Variants in OSBPL9 observed in about 807,000 individuals in gnomAD.
The protein encoded by OSBPL9 is oxysterol-binding protein-related protein 9.
OSBPL9 carries 40 observed loss-of-function variants against 106.6 expected under a neutral mutation model. The observed-to-expected ratio is 0.38, with a 90% confidence interval of 0.29 to 0.49. The LOEUF is 0.49. OSBPL9 is among the 20% of genes least tolerant of loss of function. The pLI is 0.97. For synonymous variants in OSBPL9, 269 were observed against 295.4 expected, an observed-to-expected ratio of 0.91 and a Z score of 0.92; for missense variants, 609 against 887.2, an observed-to-expected ratio of 0.69 and a Z score of 3.98.
intron 3 of OSBPL9, among the ~76,000 whole-genome samples, chr1:51,697,453 C>CTTTTT (rs759965779): frequency 8.7e-4 from 90 of 102,992 alleles, no homozygotes; most frequent in Non-Finnish European, 1.0e-3. Context: ...ATAGGGGTTA[C>CTTTTT]TTTTTTTTTT....
upstream of OSBPL9, among the ~76,000 whole-genome samples, chr1:51,613,759 C>T (rs1315941436): frequency 6.7e-6 from 1 of 148,406 alleles, no homozygotes; most frequent in South Asian, 2.1e-4. Context: ...TTTTTTGAGA[C>T]AGGGTCTTGA....
At chr1:51,586,567 G>C (rs186724815) in intron 1 of OSBPL9, among the ~76,000 whole-genome samples, 1 of 152,220 alleles carries the variant, frequency 6.6e-6, no homozygotes, top group Admixed American at 6.5e-5. Flanking sequence ...TTCTTGAGAG[G>C]AAAAAGAAAT....
chr1:51,553,984 A>T, the OSBPL9 span, among the ~76,000 whole-genome samples: 2 of 152,150 alleles, frequency 1.3e-5, no homozygotes, highest in Admixed American at 1.3e-4. Context: ...TGGCCAAAAA[A>T]AATTTGTTTT....
chr1:51,615,665 G>A (rs1405190183), upstream of OSBPL9, among the ~76,000 whole-genome samples: 1 of 152,060 alleles, frequency 6.6e-6, no homozygotes, highest in African/African-American at 2.4e-5. Flanking sequence ...CCACACCTCC[G>A]TTTCCAGCTA....
chr1:51,779,827 C>T (rs758806366), intron 15 of OSBPL9, among the ~76,000 whole-genome samples: 11 of 152,102 alleles, frequency 7.2e-5, no homozygotes, highest in Non-Finnish European at 1.5e-4. Context: ...CCTGTAATCC[C>T]AGCATTTTGG....
intron 3 of OSBPL9, among the ~76,000 whole-genome samples, chr1:51,711,955 C>T (rs529833254): frequency 6.6e-6 from 1 of 152,072 alleles, no homozygotes; most frequent in Admixed American, 6.5e-5. Flanking sequence ...AGGGGCTCCT[C>T]ACATCCCAGA....
intron 1 of OSBPL9, among the ~76,000 whole-genome samples, chr1:51,634,806 G>A (rs561674592): frequency 2.0e-5 from 3 of 152,296 alleles, no homozygotes; most frequent in African/African-American, 7.2e-5. Flanking sequence ...CACATGGCTG[G>A]GGTGGCCTCA....
the OSBPL9 span, chr1:51,567,875 A>G: frequency 6.6e-6 from 1 of 152,262 alleles, no homozygotes; most frequent in African/African-American, 2.4e-5. Flanking sequence ...ATAATTTCAC[A>G]TAGCTTTAAG....
At chr1:51,616,027 T>TTTTTTTTTTTGTGTGTG (rs1292732346), upstream of OSBPL9, among the ~76,000 whole-genome samples, 1 of 147,356 alleles carries the variant, frequency 6.8e-6, no homozygotes, top group African/African-American at 2.6e-5. Context: ...TTTTTTTTTT[T>TTTTTTTTTTTGTGTGTG]TGTGTGAGAG....
intron 4 of OSBPL9, among the ~76,000 whole-genome samples, chr1:51,720,938 C>T (rs1662006323): frequency 6.6e-6 from 1 of 151,682 alleles, no homozygotes; most frequent in Non-Finnish European, 1.5e-5. Flanking sequence ...GCTGGGACTA[C>T]AGGCACGCAC....
chr1:51,667,076 G>A (rs1414762262), intron 2 of OSBPL9, among the ~76,000 whole-genome samples: 1 of 152,188 alleles, frequency 6.6e-6, no homozygotes, highest in African/African-American at 2.4e-5. Flanking sequence ...GGAACAAGGG[G>A]TAGTTGTACA....
intron 2 of OSBPL9, among the ~76,000 whole-genome samples, chr1:51,607,783 G>T (rs932164533): frequency 6.6e-6 from 1 of 152,324 alleles, no homozygotes; most frequent in East Asian, 1.9e-4. Flanking sequence ...TGGCCAAGGG[G>T]CATATGGCAC....
chr1:51,738,225 A>G (rs12023740), intron 4 of OSBPL9, among the ~76,000 whole-genome samples: 6,109 of 152,084 alleles, frequency 0.04, 302 homozygotes, highest in African/African-American at 0.11. Flanking sequence ...CTATAAGTCA[A>G]AGGGTGTATT....
At chr1:51,630,034 A>G (rs1228878422) in intron 1 of OSBPL9, among the ~76,000 whole-genome samples, 1 of 152,088 alleles carries the variant, frequency 6.6e-6, no homozygotes, top group East Asian at 1.9e-4. Context: ...AGTAATTTAT[A>G]TACCCTTTTT....
At chr1:51,671,092 G>A (rs763478058) in intron 3 of OSBPL9, among the ~76,000 whole-genome samples, 2 of 152,186 alleles carry the variant, frequency 1.3e-5, no homozygotes, top group African/African-American at 4.8e-5. Flanking sequence ...AATGATAAGA[G>A]TTATGCACAT....
At chr1:51,777,015 T>G (rs1029895897) in intron 15 of OSBPL9, 97 bp downstream of exon 15, 30 of 939,386 alleles carry the variant, frequency 3.2e-5, no homozygotes, top group Non-Finnish European at 5.1e-5. Context: ...CTTGTCACCT[T>G]TCAAACATTT....
chr1:51,663,007 G>C (rs1428371620), intron 2 of OSBPL9, among the ~76,000 whole-genome samples: 1 of 152,166 alleles, frequency 6.6e-6, no homozygotes, highest in Non-Finnish European at 1.5e-5. Flanking sequence ...GCCTCCCAAA[G>C]TACTGGGATT....
chr1:51,741,977 C>T (rs750926799), intron 4 of OSBPL9, among the ~76,000 whole-genome samples: 1 of 151,984 alleles, frequency 6.6e-6, no homozygotes, highest in Non-Finnish European at 1.5e-5. Context: ...GAAAGAAAGA[C>T]AACATGGAGA....
At chr1:51,723,508 C>T (rs1456594575) in intron 4 of OSBPL9, among the ~76,000 whole-genome samples, 1 of 152,014 alleles carries the variant, frequency 6.6e-6, no homozygotes, top group African/African-American at 2.4e-5. Context: ...CTTTTCTTCC[C>T]TGTCTTCCTT....
Sources: allele counts gnomAD v4.1 joint callset (sites outside exome capture counted in the v4.1 genomes callset), GRCh38; gene constraint gnomAD v4.1.1; transcripts MANE v1.5; gene names NCBI Gene and HGNC (gene_info 2026-07-23, HGNC 2026-07-21).